Variants in FAM171A1 observed in about 807,000 individuals in gnomAD.
FAM171A1 encodes the protein family with sequence similarity 171 member A1, also known as protein FAM171A1.
FAM171A1 carries 23 observed loss-of-function variants against 74.9 expected under a neutral mutation model. That is an observed-to-expected ratio of 0.31 (90% CI 0.22 to 0.44). The LOEUF is 0.44. Among genes scored for constraint, FAM171A1 ranks in the 20% least tolerant of loss-of-function variants. FAM171A1 has a pLI of 1.00. For missense variants in FAM171A1, 1,162 were observed against 1,159.2 expected, an observed-to-expected ratio of 1.00 and a Z score of -0.03; for synonymous variants, 527 against 505.7, an observed-to-expected ratio of 1.04 and a Z score of -0.57.
intron 2 of FAM171A1, among the ~76,000 whole-genome samples, chr10:15,280,448 G>A (rs528580882): frequency 1.3e-5 from 2 of 152,312 alleles, no homozygotes; most frequent in South Asian, 4.1e-4. Flanking sequence ...TGCAGAGACA[G>A]CAATAATTAA....
chr10:15,344,610 T>C (rs1045794416), intron 1 of FAM171A1, among the ~76,000 whole-genome samples: 3 of 152,212 alleles, frequency 2.0e-5, no homozygotes, highest in African/African-American at 7.2e-5. Flanking sequence ...TTTGTGTAAA[T>C]ATGTCTCATG....
At chr10:15,354,852 C>A (rs925889621) in intron 1 of FAM171A1, among the ~76,000 whole-genome samples, 1 of 152,154 alleles carries the variant, frequency 6.6e-6, no homozygotes, top group Non-Finnish European at 1.5e-5. Context: ...AAATGAGAGA[C>A]CTGTAGGAGC....
chr10:15,269,660 A>T (rs778959358), intron 3 of FAM171A1, among the ~76,000 whole-genome samples: 1 of 152,120 alleles, frequency 6.6e-6, no homozygotes, highest in South Asian at 2.1e-4. Context: ...AGTCTTTAGG[A>T]GTGACCCTGT....
At position 15,268,378 on chromosome 10, in the gene FAM171A1, T is replaced by C. The variant is rs187045632; in HGVS notation, c.418+7477A>G. Among the ~76,000 whole-genome samples, 16 of 152,206 alleles carry C rather than the reference T, an allele frequency of 1.1e-4. No homozygotes were observed. In the East Asian group the frequency reaches 2.9e-3, roughly 28 times the overall value. On this transcript the variant is annotated intron_variant, in intron 3 of 7. Transcript: ENST00000378116. ...GTATCCTGGATTTGTGAGGTGGCAA[T>C]GCAGATGGAGACACCAACCTCATCA...
intron 1 of FAM171A1, among the ~76,000 whole-genome samples, chr10:15,349,784 G>C (rs1835857467): frequency 6.6e-6 from 1 of 151,982 alleles, no homozygotes; most frequent in Non-Finnish European, 1.5e-5. Context: ...GTACCCTTTT[G>C]GTTGCTGTGA....
chr10:15,368,459 G>C (rs760325118), intron 1 of FAM171A1, among the ~76,000 whole-genome samples: 7 of 152,080 alleles, frequency 4.6e-5, no homozygotes, highest in Non-Finnish European at 7.4e-5. Flanking sequence ...AAATCCTGTT[G>C]GTGCATAATA....
chr10:15,324,733 G>C (rs1163155771), intron 1 of FAM171A1, among the ~76,000 whole-genome samples: 3 of 151,002 alleles, frequency 2.0e-5, no homozygotes, highest in South Asian at 2.1e-4. Flanking sequence ...CAAGAGTGAG[G>C]GGGAAAAAAA....
intron 4 of FAM171A1, among the ~76,000 whole-genome samples, chr10:15,252,406 C>T (rs367957721): frequency 6.6e-6 from 1 of 152,198 alleles, no homozygotes; most frequent in Non-Finnish European, 1.5e-5. Flanking sequence ...TCATTTTCTG[C>T]GTCTTCGGGA....
intron 1 of FAM171A1, among the ~76,000 whole-genome samples, chr10:15,308,246 A>C (rs1835320480): frequency 6.6e-6 from 1 of 152,206 alleles, no homozygotes; most frequent in East Asian, 1.9e-4. Context: ...CAAGTATACA[A>C]TCAGAGTACA....
At chr10:15,322,781 C>T (rs993219388) in intron 1 of FAM171A1, among the ~76,000 whole-genome samples, 1 of 152,218 alleles carries the variant, frequency 6.6e-6, no homozygotes, top group East Asian at 1.9e-4. Context: ...GACTTATCTT[C>T]ATCAGGCATC....
intron 1 of FAM171A1, among the ~76,000 whole-genome samples, chr10:15,331,541 T>A (rs1835631240): frequency 6.6e-6 from 1 of 151,956 alleles, no homozygotes; most frequent in Admixed American, 6.6e-5. Context: ...GAAACAGGCA[T>A]TCTGGACAAT....
At chr10:15,325,813 AG>A (rs1390507332) in intron 1 of FAM171A1, among the ~76,000 whole-genome samples, 1 of 152,186 alleles carries the variant, frequency 6.6e-6, no homozygotes, top group Non-Finnish European at 1.5e-5. Context: ...TGAATGCGGT[AG>A]GGAAGTGCTG....
chr10:15,244,646 T>C (rs1834407794), intron 5 of FAM171A1, among the ~76,000 whole-genome samples: 1 of 152,178 alleles, frequency 6.6e-6, no homozygotes. Flanking sequence ...TCAGAATAAA[T>C]AGACTTGGTG....
At chr10:15,233,955 A>G (rs1834245188) in intron 5 of FAM171A1, among the ~76,000 whole-genome samples, 1 of 151,744 alleles carries the variant, frequency 6.6e-6, no homozygotes, top group South Asian at 2.1e-4. Flanking sequence ...GCTGGAGTGT[A>G]CTAGGTGCTT....
At chr10:15,292,064 A>C (rs993957919) in intron 1 of FAM171A1, among the ~76,000 whole-genome samples, 1 of 152,186 alleles carries the variant, frequency 6.6e-6, no homozygotes, top group Non-Finnish European at 1.5e-5. Flanking sequence ...GTCCAAGGTT[A>C]GGGCAGATTA....
Position 15,339,887 on chromosome 10 carries a change from T to C in FAM171A1, c.97+31069A>G, listed in dbSNP as rs149076200. Among the ~76,000 whole-genome samples, 10 of 152,248 alleles carry C rather than the reference T, an allele frequency of 6.6e-5. No homozygotes were observed. The East Asian group carries it at 1.7e-3, about 26-fold the overall frequency. ...ATAGCAGAAGATGAAAGTCACGTCT[T>C]ACATGGTGGCAGACAAGAGAGAATG... On this transcript the variant is annotated intron_variant, in intron 1 of 7. Coordinates refer to ENST00000378116, the MANE Select transcript of FAM171A1 (RefSeq NM_001010924.2).
At chr10:15,236,960 GC>G (rs1834299218) in intron 5 of FAM171A1, among the ~76,000 whole-genome samples, 1 of 152,010 alleles carries the variant, frequency 6.6e-6, no homozygotes, top group African/African-American at 2.4e-5. Flanking sequence ...GGGTGTGGTG[GC>G]ACTTGCCTGT....
At chr10:15,354,822 C>A (rs1835915944) in intron 1 of FAM171A1, among the ~76,000 whole-genome samples, 1 of 152,152 alleles carries the variant, frequency 6.6e-6, no homozygotes, top group Non-Finnish European at 1.5e-5. Flanking sequence ...AGGAAATAAT[C>A]CTATCCTGTC....
rs192182337 is a variant in FAM171A1 at position 15,359,930 on chromosome 10, T to C, written c.97+11026A>G. ...CCAAAAAGGAACATGGCCCAGCTGT[T>C]TGTTTGTTTGTTTGTTTGTTTTGAG... On this transcript the variant is annotated intron_variant, in intron 1 of 7. Coordinates refer to ENST00000378116, the MANE Select transcript of FAM171A1 (RefSeq NM_001010924.2). Among the ~76,000 whole-genome samples the C allele has an allele frequency of 6.7e-3, 1,004 of 150,286 alleles. 15 individuals carry two copies. Among genetic ancestry groups the C allele is most frequent in the African/African-American group, 0.023 (931 of 39,874 alleles).
Sources: allele counts gnomAD v4.1 joint callset (sites outside exome capture counted in the v4.1 genomes callset), GRCh38; gene constraint gnomAD v4.1.1; transcripts MANE v1.5; gene names NCBI Gene and HGNC (gene_info 2026-07-23, HGNC 2026-07-21).